TANC1: variants seen among roughly 807,000 people sequenced by gnomAD.
TANC1 encodes tetratricopeptide repeat, ankyrin repeat and coiled-coil containing 1, also known as protein TANC1.
Under a neutral mutation model 149.7 loss-of-function variants are expected in TANC1, and 77 were observed. The observed-to-expected ratio is 0.51, with a 90% CI of 0.43 to 0.62. The LOEUF (loss-of-function observed/expected upper bound fraction) is 0.62, where lower values mean the gene tolerates loss of function less well. TANC1 is among the 20% of genes least tolerant of loss of function. The pLI is 0.00. For synonymous variants in TANC1, 854 were observed against 925.0 expected (o/e 0.92, Z 1.39); for missense variants, 1,985 against 2,321.8 (o/e 0.85, Z 2.98).
intron 4 of TANC1, among the ~76,000 whole-genome samples, chr2:159,124,143 A>T (rs996437026): frequency 2.0e-5 from 3 of 152,080 alleles, no homozygotes; most frequent in Admixed American, 1.3e-4. Flanking sequence ...GGATCATTTG[A>T]GGTCTGGTGT....
At chr2:159,204,894 C>T (rs185336810) in intron 19 of TANC1, among the ~76,000 whole-genome samples, 22 of 152,364 alleles carry the variant, frequency 1.4e-4, no homozygotes, top group East Asian at 1.2e-3. Context: ...TTAGCTGCGT[C>T]GTAGGCCTCC....
intron 7 of TANC1, among the ~76,000 whole-genome samples, chr2:159,162,650 T>C (rs1311317229): frequency 1.3e-5 from 2 of 152,224 alleles, no homozygotes; most frequent in African/African-American, 2.4e-5. Flanking sequence ...AGTCATAGTA[T>C]ACCTTCTCCT....
chr2:159,211,719 A>G (rs1350220343), intron 19 of TANC1, among the ~76,000 whole-genome samples: 4 of 152,232 alleles, frequency 2.6e-5, no homozygotes, highest in Admixed American at 1.3e-4. Context: ...TGGCCCCAGA[A>G]TACTCAATCT....
chr2:159,083,876 A>ATT (rs544957246), intron 3 of TANC1, among the ~76,000 whole-genome samples: 273 of 147,668 alleles, frequency 1.8e-3, no homozygotes, highest in African/African-American at 6.3e-3. Context: ...TGAGCAGTGA[A>ATT]TTTTTTTTTT....
At chr2:159,128,363 T>TG (rs2049706340) in intron 4 of TANC1, among the ~76,000 whole-genome samples, 4 of 152,314 alleles carry the variant, frequency 2.6e-5, no homozygotes, top group Admixed American at 1.3e-4. Flanking sequence ...CCAGGAGTTG[T>TG]GGGGGGCCTG....
chr2:159,225,955 G>A, intron 24 of TANC1, 176 bp downstream of exon 24: 1 of 647,436 alleles, frequency 1.5e-6, no homozygotes, highest in South Asian at 1.7e-5. Context: ...GCCGAGGTGG[G>A]CAGATCACTT....
intron 3 of TANC1, among the ~76,000 whole-genome samples, chr2:159,083,391 G>A (rs991344367): frequency 6.6e-6 from 1 of 151,962 alleles, no homozygotes; most frequent in Non-Finnish European, 1.5e-5. Context: ...ACTCTTAGAA[G>A]ATCCCTCATT....
At chr2:159,072,703 A>G (rs2043263288) in intron 3 of TANC1, among the ~76,000 whole-genome samples, 1 of 152,226 alleles carries the variant, frequency 6.6e-6, no homozygotes. Flanking sequence ...CCAACATGGC[A>G]CATGGATACA....
chr2:159,015,187 G>A (rs2038144664), intron 2 of TANC1, among the ~76,000 whole-genome samples: 1 of 152,214 alleles, frequency 6.6e-6, no homozygotes, highest in African/African-American at 2.4e-5. Context: ...TGAAATCTAG[G>A]CAGAGATTCT....
At chr2:159,195,449 A>C (rs1373038539) in intron 17 of TANC1, among the ~76,000 whole-genome samples, 6 of 152,226 alleles carry the variant, frequency 3.9e-5, no homozygotes. Flanking sequence ...AGGGTGAATG[A>C]GAATGATATC....
At chr2:159,134,710 T>G (rs2050475107) in intron 4 of TANC1, among the ~76,000 whole-genome samples, 3 of 152,162 alleles carry the variant, frequency 2.0e-5, no homozygotes, top group South Asian at 2.1e-4. Context: ...GGTCTCGAAC[T>G]CCTGACCTCA....
rs1260455192 is a variant in TANC1, at chr2:159,089,390, C to A, written c.62-8247C>A. On this transcript the variant is annotated intron_variant, in intron 3 of 26. Coordinates refer to ENST00000263635, the MANE Select transcript of TANC1 (RefSeq NM_033394.3). ...GCAGTTTTAAAAAGAAACAGGAATT[C>A]ATGCATTTATCGCCTGCACCCCACC... 3.9e-5 allele frequency among the ~76,000 whole-genome samples: 6 copies of A among 152,160 alleles called. No homozygotes were observed. In the South Asian group the frequency reaches 6.2e-4, roughly 16 times the overall value.
chr2:159,186,185 A>T (rs2056954814), intron 15 of TANC1, among the ~76,000 whole-genome samples: 1 of 152,134 alleles, frequency 6.6e-6, no homozygotes, highest in Non-Finnish European at 1.5e-5. Context: ...TTTTTATCTA[A>T]AGGTTCCACT....
chr2:159,215,629 G>A (rs183506998), intron 19 of TANC1, among the ~76,000 whole-genome samples: 1 of 152,366 alleles, frequency 6.6e-6, no homozygotes, highest in African/African-American at 2.4e-5. Context: ...TTAGCTCTGA[G>A]ACCCGAGCTC....
intron 1 of TANC1, among the ~76,000 whole-genome samples, chr2:158,992,669 A>ATTTTTTT (rs70994251): frequency 1.5e-3 from 163 of 112,404 alleles, no homozygotes; most frequent in African/African-American, 2.3e-3. Context: ...TGCCCAGCTA[A>ATTTTTTT]TTTTTTTTTT....
At chr2:159,150,142 G>A (rs1364976759) in intron 6 of TANC1, 2 of 425,592 alleles carry the variant, frequency 4.7e-6, no homozygotes, top group African/African-American at 4.1e-5. Flanking sequence ...TCACAAAGGA[G>A]GGGAACCGAA....
At chr2:159,147,961 G>T (rs2052330318) in intron 5 of TANC1, 1 of 152,164 alleles carries the variant, frequency 6.6e-6, no homozygotes, top group South Asian at 2.1e-4. Flanking sequence ...TTTGATTTTT[G>T]TGGTTCCTTA....
At chr2:159,129,195 A>G (rs1373823708) in intron 4 of TANC1, among the ~76,000 whole-genome samples, 1 of 152,208 alleles carries the variant, frequency 6.6e-6, no homozygotes, top group South Asian at 2.1e-4. Context: ...TTTCATATAA[A>G]TATATAATTA....
chr2:159,162,830 A>C (rs1360515340), intron 7 of TANC1, among the ~76,000 whole-genome samples: 2 of 152,120 alleles, frequency 1.3e-5, no homozygotes, highest in Admixed American at 1.3e-4. Context: ...TTTCTCCTGC[A>C]CCGTTTCTGC....
Sources: allele counts gnomAD v4.1 joint callset (sites outside exome capture counted in the v4.1 genomes callset), GRCh38; gene constraint gnomAD v4.1.1; transcripts MANE v1.5; gene names NCBI Gene and HGNC (gene_info 2026-07-23, HGNC 2026-07-21).